Variants in MYH15 observed in about 807,000 individuals in gnomAD.
MYH15 encodes the protein myosin heavy chain 15, also known as myosin-15.
In MYH15, 227 loss-of-function variants were observed where a neutral mutation model predicts 240.5. That is an observed-to-expected ratio of 0.94 (90% CI 0.85 to 1.05). The LOEUF (loss-of-function observed/expected upper bound fraction) is 1.05, where lower values mean the gene tolerates loss of function less well. Ranked by LOEUF, MYH15 falls within the 50% of genes least tolerant of loss-of-function variation. The probability of loss-of-function intolerance (pLI) is 0.00; values close to 1 mark genes in which losing one functional copy is unlikely to be tolerated. For missense variants in MYH15, 2,217 were observed against 2,247.5 expected (o/e 0.99, Z 0.27); for synonymous variants, 785 against 796.7 (o/e 0.99, Z 0.25).
At chr3:108,467,425 T>C (rs563929795) in intron 14 of MYH15, among the ~76,000 whole-genome samples, 132 of 152,242 alleles carry the variant, frequency 8.7e-4, no homozygotes, top group African/African-American at 3.0e-3. Context: ...TTCTTTGGGA[T>C]ACCTGATACT....
intron 2 of MYH15, among the ~76,000 whole-genome samples, chr3:108,504,237 C>T (rs2083457864): frequency 1.3e-5 from 2 of 152,204 alleles, no homozygotes; most frequent in African/African-American, 4.8e-5. Context: ...CTAAGTGACC[C>T]TGATTGAGTC....
Position 108,410,710 on chromosome 3 carries a change from C to CT in MYH15, c.4367dup (p.Ala1457GlyfsTer25), listed in dbSNP as rs2082584754. On this transcript the variant is annotated frameshift_variant, in exon 31 of 41. Transcript: ENST00000693548. LOFTEE classifies it high-confidence loss of function. The stretch of plus-strand genomic sequence containing the variant: ...CCTTCTGAGAGGCATCCAGCAACGC[C>CT]TGGGACTCCTCGTGCTTCTGCTTCC... 6.2e-7 allele frequency: 1 copy of CT among 1,614,210 alleles called. No homozygotes were observed. The highest frequency in any genetic ancestry group is 1.1e-5 in the South Asian group (1 of 91,086).
chr3:108,390,232 C>T (rs1008304182), intron 37 of MYH15, among the ~76,000 whole-genome samples: 10 of 152,156 alleles, frequency 6.6e-5, no homozygotes, highest in African/African-American at 2.2e-4. Context: ...TGTAATTCCA[C>T]CTGTAAATAC....
intron 14 of MYH15, among the ~76,000 whole-genome samples, chr3:108,465,125 G>A (rs905785046): frequency 3.3e-5 from 5 of 152,138 alleles, no homozygotes; most frequent in African/African-American, 1.2e-4. Flanking sequence ...AAAAACAAAT[G>A]ACTTAGTTTC....
chr3:108,484,775 C>T (rs762821271), intron 11 of MYH15, among the ~76,000 whole-genome samples: 10 of 152,092 alleles, frequency 6.6e-5, no homozygotes, highest in South Asian at 2.1e-4. Flanking sequence ...TCACGGTGTC[C>T]GGCCATAATT....
At chr3:108,499,828 T>C (rs1188895315) in intron 4 of MYH15, among the ~76,000 whole-genome samples, 1 of 152,230 alleles carries the variant, frequency 6.6e-6, no homozygotes, top group African/African-American at 2.4e-5. Flanking sequence ...ATATAGAAGA[T>C]GCTGTATATA....
the MYH15 span, among the ~76,000 whole-genome samples, chr3:108,540,650 G>T: frequency 1.3e-5 from 2 of 152,030 alleles, no homozygotes. Context: ...AGAAATAGAT[G>T]AATACTTAAC....
intron 18 of MYH15, among the ~76,000 whole-genome samples, chr3:108,457,508 T>C (rs969965724): frequency 6.6e-6 from 1 of 152,010 alleles, no homozygotes; most frequent in Non-Finnish European, 1.5e-5. Context: ...AGCTGCAACG[T>C]CCAATAGAAG....
At chr3:108,421,305 A>T in intron 27 of MYH15, 91 bp from the exon 28 acceptor site, 2 of 1,407,232 alleles carry the variant, frequency 1.4e-6, no homozygotes, top group South Asian at 2.5e-5. Flanking sequence ...GGCTCCAGGG[A>T]TCCGCATGCT....
intron 31 of MYH15, 70 bp from the exon 32 acceptor site, chr3:108,408,474 A>G (rs974001977): frequency 6.8e-7 from 1 of 1,470,062 alleles, no homozygotes. Flanking sequence ...ACCAGGCACA[A>G]CAGATTCTTC....
the MYH15 span, among the ~76,000 whole-genome samples, chr3:108,535,757 C>T: frequency 2.0e-5 from 3 of 152,074 alleles, no homozygotes; most frequent in East Asian, 3.9e-4. Context: ...TTAACTGTTT[C>T]GACTTATTAT....
chr3:108,501,730 A>T lies in MYH15; in HGVS notation c.321T>A (p.Tyr107Ter). 6.2e-7 allele frequency: 1 copy of T among 1,614,120 alleles called. No individual in the cohort carries two copies. Among genetic ancestry groups the T allele is most frequent in the South Asian group, 1.1e-5 (1 of 91,080 alleles). Reference protein sequence around the residue: ...ASVLHTLKRRYGQWMIYTYSG... With the variant: ...ASVLHTLKRR ...TACACACATAGATCATCCACTGGCC[A>T]TAGCGCCGCTTCAGGGTATGCAGCA... Residue 107 changes from tyrosine (Y) to a stop codon, truncating the protein, a stop_gained, in exon 3 of 41, where the codon TAT (tyrosine) becomes TAA (stop). Transcript: ENST00000693548. LOFTEE classifies it high-confidence loss of function.
At chr3:108,491,481 A>G (rs189174449) in intron 9 of MYH15, among the ~76,000 whole-genome samples, 13 of 152,108 alleles carry the variant, frequency 8.5e-5, no homozygotes, top group Non-Finnish European at 1.8e-4. Context: ...TCATTCTTAC[A>G]TTCAGTCTCT....
Position 108,398,648 on chromosome 3 carries a change from A to T in MYH15, c.5122T>A (p.Phe1708Ile). The change falls in exon 35 of 41, where the codon TTC becomes ATC. Residue 1708 changes from phenylalanine to isoleucine, a missense_variant. Phe to Ile is a conservative substitution (Grantham distance 21). Coordinates refer to ENST00000693548, the MANE Select transcript of MYH15 (RefSeq NM_014981.3). The stretch of plus-strand genomic sequence containing the variant: ...TATATGGGCCCCACCTGGGTATAGA[A>T]AAGATTGATTCTTTCTGTTGCTTCC... ...LLEATERINL[F>I]YTQNTSLLSQ... 6.2e-7 allele frequency: 1 copy of T among 1,613,048 alleles called. No individual in the cohort carries two copies. Among genetic ancestry groups the T allele is most frequent in the South Asian group, 1.1e-5 (1 of 91,030 alleles).
intron 11 of MYH15, among the ~76,000 whole-genome samples, chr3:108,481,748 G>A (rs902684487): frequency 6.6e-6 from 1 of 152,198 alleles, no homozygotes; most frequent in South Asian, 2.1e-4. Flanking sequence ...GGATTAGAGA[G>A]AGACAGAGAA....
intron 14 of MYH15, among the ~76,000 whole-genome samples, chr3:108,465,796 G>A (rs1560396624): frequency 6.6e-6 from 1 of 152,050 alleles, no homozygotes; most frequent in African/African-American, 2.4e-5. Context: ...GAATGGTGGT[G>A]TGTGCCTGTA....
the MYH15 span, among the ~76,000 whole-genome samples, chr3:108,536,591 T>A: frequency 5.9e-5 from 9 of 152,216 alleles, no homozygotes; most frequent in East Asian, 1.5e-3. Flanking sequence ...GAATTACAAA[T>A]AGGGGATGCC....
chr3:108,390,652 G>T (rs989054378), intron 37 of MYH15, among the ~76,000 whole-genome samples: 14 of 152,086 alleles, frequency 9.2e-5, no homozygotes, highest in African/African-American at 3.1e-4. Flanking sequence ...GGGATGTATG[G>T]ACAAAACATT....
intron 31 of MYH15, among the ~76,000 whole-genome samples, chr3:108,409,484 G>C (rs1173254124): frequency 2.6e-5 from 4 of 152,344 alleles, no homozygotes; most frequent in African/African-American, 9.6e-5. Context: ...AGCCATCTGT[G>C]CTTTAACAAG....
Sources: gnomAD v4.1 joint callset for allele counts (sites outside exome capture counted in the v4.1 genomes callset) on GRCh38, gnomAD v4.1.1 for gene constraint, MANE v1.5 for transcripts, NCBI Gene and HGNC (gene_info 2026-07-23, HGNC 2026-07-21) for gene names.